PHLPP1: variants seen among roughly 807,000 people sequenced by gnomAD.
The protein encoded by PHLPP1 is PH domain and leucine rich repeat protein phosphatase 1.
In PHLPP1, 42 loss-of-function variants were observed where a neutral mutation model predicts 117.2. That is an observed-to-expected ratio of 0.36 (90% CI 0.28 to 0.46). The LOEUF (loss-of-function observed/expected upper bound fraction) is 0.46. Ranked by LOEUF, PHLPP1 falls within the 20% of genes least tolerant of loss-of-function variation. PHLPP1 has a pLI of 1.00. For synonymous variants in PHLPP1, 1,042 were observed against 970.7 expected (o/e 1.07, Z -1.37); for missense variants, 2,084 against 2,241.9 (o/e 0.93, Z 1.42).
At chr18:62,799,300 A>G (rs1378673066) in intron 1 of PHLPP1, among the ~76,000 whole-genome samples, 2 of 152,212 alleles carry the variant, frequency 1.3e-5, no homozygotes, top group Non-Finnish European at 2.9e-5. Flanking sequence ...AATGGGGGCC[A>G]CTGTTGGTAG....
At chr18:62,935,189 G>T (rs1909934899) in intron 10 of PHLPP1, among the ~76,000 whole-genome samples, 1 of 152,126 alleles carries the variant, frequency 6.6e-6, no homozygotes. Context: ...AAGTAGCAGG[G>T]ATATAAAGTT....
In PHLPP1 at chr18:62,979,887, GA is replaced by G. The variant is rs1456191721; in HGVS notation, c.*460del. On this transcript the variant is annotated 3_prime_UTR_variant, in exon 17 of 17. Transcript: ENST00000262719. ...TTTTGTTTTGTTTTGTTTTTGTCTT[GA>G]AAATAATAGACATTTGTAGAATATG... 1 of 157,498 alleles carries G rather than the reference GA, an allele frequency of 6.3e-6. No homozygotes were observed. The highest frequency in any genetic ancestry group is 6.2e-5 in the Admixed American group (1 of 16,018). The allele number at this position is 157,498 out of a possible 1,614,324, so 9.8% of individuals were successfully genotyped here.
intron 4 of PHLPP1, among the ~76,000 whole-genome samples, chr18:62,892,010 T>G (rs552599677): frequency 3.3e-5 from 5 of 150,700 alleles, no homozygotes; most frequent in Non-Finnish European, 5.9e-5. Context: ...GAAAAAACAG[T>G]TTTTCAAAAC....
chr18:62,926,259 A>G (rs625090), intron 10 of PHLPP1, among the ~76,000 whole-genome samples: 89,861 of 151,910 alleles, frequency 0.59, 26,791 homozygotes, highest in Middle Eastern at 0.69. Flanking sequence ...AACGGAGTTG[A>G]GTGGGGGCAT....
chr18:62,948,029 AAAAT>A (rs932568298), intron 12 of PHLPP1, among the ~76,000 whole-genome samples: 4 of 152,190 alleles, frequency 2.6e-5, no homozygotes, highest in Non-Finnish European at 5.9e-5. Flanking sequence ...CCATCTCAAA[AAAAT>A]AAATAAATAA....
At position 62,832,276 on chromosome 18, in the gene PHLPP1, T is replaced by C. The variant is rs540325036; in HGVS notation, c.1773+2045T>C. On this transcript the variant is annotated intron_variant, in intron 2 of 16. Coordinates refer to ENST00000262719, the MANE Select transcript of PHLPP1 (RefSeq NM_194449.4). ...ACAATGATATCTGTTGTAAGAAAGATGCAGGAAGGTACTGTGGGGGATTAA... is the reference window on the plus strand; with the variant it reads ...ACAATGATATCTGTTGTAAGAAAGACGCAGGAAGGTACTGTGGGGGATTAA... The C allele has an allele frequency of 4.6e-5, 7 of 152,358 alleles. No homozygotes were observed. In the East Asian group the frequency reaches 1.2e-3, roughly 25 times the overall value. 9.4% of individuals were successfully genotyped at this position (152,358 alleles called of 1,614,324 possible). A position where few individuals can be genotyped will look rare whatever the true frequency, so the allele number is the denominator to read the frequency against.
At chr18:62,902,218 G>T (rs1300359554) in intron 6 of PHLPP1, among the ~76,000 whole-genome samples, 2 of 152,096 alleles carry the variant, frequency 1.3e-5, no homozygotes, top group Admixed American at 1.3e-4. Context: ...CCTGTGCCTT[G>T]CTTCATCACA....
intron 1 of PHLPP1, among the ~76,000 whole-genome samples, chr18:62,794,178 A>G (rs1913552365): frequency 6.6e-6 from 1 of 152,152 alleles, no homozygotes; most frequent in Non-Finnish European, 1.5e-5. Context: ...CTGCACACTT[A>G]TATATCTATC....
chr18:62,829,125 G>C (rs568521829), intron 1 of PHLPP1, among the ~76,000 whole-genome samples: 15 of 152,050 alleles, frequency 9.9e-5, no homozygotes, highest in Non-Finnish European at 2.2e-4. Context: ...CTCTGTCTCT[G>C]TGCTCCTTAC....
rs1169876474 is a variant in PHLPP1, at chr18:62,817,615, T to C, written c.1577-12420T>C. Among the ~76,000 whole-genome samples, 3 of 151,926 alleles carry C rather than the reference T, an allele frequency of 2.0e-5. 1 individual carries two copies. In the Middle Eastern group the frequency reaches 0.01, roughly 524 times the overall value. The stretch of plus-strand genomic sequence containing the variant: ...TGAACTGTGGGATAACTTCAAGTGT[T>C]TGTAATTGGAGTCCCTGGAGAGGCC... On this transcript the variant is annotated intron_variant, in intron 1 of 16. Transcript: ENST00000262719.
At chr18:62,788,216 G>C (rs181033052) in intron 1 of PHLPP1, among the ~76,000 whole-genome samples, 276 of 152,254 alleles carry the variant, frequency 1.8e-3, no homozygotes, top group African/African-American at 6.5e-3. Context: ...AGAACCCCTA[G>C]GCTTTATCTC....
intron 4 of PHLPP1, among the ~76,000 whole-genome samples, chr18:62,892,461 C>T (rs1248318123): frequency 3.3e-5 from 5 of 152,096 alleles, no homozygotes; most frequent in African/African-American, 9.7e-5. Context: ...TTCTGTATTC[C>T]ATCAGGTATG....
At position 62,946,498 on chromosome 18, in the gene PHLPP1, C is replaced by T. The variant is rs991495427; in HGVS notation, c.3324+1227C>T. On this transcript the variant is annotated intron_variant, in intron 12 of 16. Coordinates refer to ENST00000262719, the MANE Select transcript of PHLPP1 (RefSeq NM_194449.4). ...GCCAGGCTGGTCTTGAACTCCTGAC[C>T]TCAAGGTGATCCACCCACCTCGGCC... Among the ~76,000 whole-genome samples the T allele has an allele frequency of 7.2e-5, 11 of 152,000 alleles. No homozygotes were observed. In the East Asian group the frequency reaches 1.6e-3, roughly 22 times the overall value.
intron 12 of PHLPP1, among the ~76,000 whole-genome samples, chr18:62,951,162 T>TA (rs1185326255): frequency 2.6e-5 from 4 of 152,102 alleles, no homozygotes; most frequent in Non-Finnish European, 5.9e-5. Context: ...TTTGTATTTT[T>TA]AGTAGAGACA....
chr18:62,792,747 T>A (rs1011891387), intron 1 of PHLPP1, among the ~76,000 whole-genome samples: 1 of 151,530 alleles, frequency 6.6e-6, no homozygotes, highest in Non-Finnish European at 1.5e-5. Context: ...TGCACCTAGG[T>A]TGCAGCTACT....
Position 62,754,622 on chromosome 18 carries a change from C to T in PHLPP1, c.1576+37363C>T, listed in dbSNP as rs578147616. Reference sequence around the variant, plus strand: ...TTGGATCCACAGTATCAAAAGTAGGCCTCTCCAGACCCCTGAGGGAAATAT... The same window carrying T: ...TTGGATCCACAGTATCAAAAGTAGGTCTCTCCAGACCCCTGAGGGAAATAT... On this transcript the variant is annotated intron_variant, in intron 1 of 16. Coordinates refer to ENST00000262719, the MANE Select transcript of PHLPP1 (RefSeq NM_194449.4). 3.9e-5 allele frequency among the ~76,000 whole-genome samples: 6 copies of T among 152,194 alleles called. No individual in the cohort carries two copies. The East Asian group carries it at 9.6e-4, about 24-fold the overall frequency.
chr18:62,844,414 G>T (rs1404912413), intron 3 of PHLPP1, among the ~76,000 whole-genome samples: 1 of 152,134 alleles, frequency 6.6e-6, no homozygotes, highest in Non-Finnish European at 1.5e-5. Context: ...TCAGGTCAGT[G>T]ACTTAGTGTT....
intron 10 of PHLPP1, among the ~76,000 whole-genome samples, chr18:62,923,118 A>G (rs930696738): frequency 6.6e-6 from 1 of 152,218 alleles, no homozygotes; most frequent in Non-Finnish European, 1.5e-5. Context: ...AGCTAAAGGC[A>G]TTTAGGCAGA....
At chr18:62,826,227 T>G (rs1423078251) in intron 1 of PHLPP1, 2 of 417,844 alleles carry the variant, frequency 4.8e-6, no homozygotes, top group East Asian at 6.8e-5. Flanking sequence ...CATGAAAAGA[T>G]TGAACTAGCT....
Sources: gnomAD v4.1 joint callset for allele counts (sites outside exome capture counted in the v4.1 genomes callset) on GRCh38, gnomAD v4.1.1 for gene constraint, MANE v1.5 for transcripts, NCBI Gene and HGNC (gene_info 2026-07-23, HGNC 2026-07-21) for gene names.